CHODL: variants seen among roughly 807,000 people sequenced by gnomAD.
CHODL encodes transmembrane protein MT75.
In CHODL, 29 loss-of-function variants were observed where a neutral mutation model predicts 34.5. That is an observed-to-expected ratio of 0.84 (90% CI 0.63 to 1.15). The LOEUF is 1.15. Among genes scored for constraint, CHODL ranks in the 50% most tolerant of loss-of-function variants. The pLI, the probability that CHODL is intolerant of heterozygous loss-of-function variation, is 0.00. For missense variants in CHODL, 332 were observed against 332.5 expected (o/e 1.00, Z 0.01); for synonymous variants, 125 against 116.1 (o/e 1.08, Z -0.49).
At chr21:18,096,969 G>A (rs1221306048) in intron 2 of CHODL, among the ~76,000 whole-genome samples, 11 of 151,988 alleles carry the variant, frequency 7.2e-5, no homozygotes, top group Non-Finnish European at 4.4e-5. Flanking sequence ...CAGACCTGCC[G>A]ACACTTAGCG....
chr21:18,082,812 T>C (rs2064958404), intron 2 of CHODL, among the ~76,000 whole-genome samples: 1 of 151,988 alleles, frequency 6.6e-6, no homozygotes, highest in Non-Finnish European at 1.5e-5. Flanking sequence ...CCTAACAGTG[T>C]ACAGTCATAT....
chr21:18,093,807 G>A (rs1264953517), intron 2 of CHODL, among the ~76,000 whole-genome samples: 1 of 151,856 alleles, frequency 6.6e-6, no homozygotes, highest in Non-Finnish European at 1.5e-5. Context: ...AAGACAGGAA[G>A]GAAGGAAAGA....
At chr21:18,017,028 A>G (rs948379717) in intron 1 of CHODL, among the ~76,000 whole-genome samples, 2 of 152,228 alleles carry the variant, frequency 1.3e-5, no homozygotes, top group African/African-American at 4.8e-5. Context: ...GGAAGTAACT[A>G]ACTTGCTTTT....
chr21:18,172,699 A>G (rs1403230394), intron 2 of CHODL, among the ~76,000 whole-genome samples: 2 of 152,150 alleles, frequency 1.3e-5, no homozygotes, highest in African/African-American at 2.4e-5. Context: ...GTGGATCTTC[A>G]GAAGTCCTTG....
chr21:18,007,405 A>G (rs908762920), intron 1 of CHODL, among the ~76,000 whole-genome samples: 1 of 152,348 alleles, frequency 6.6e-6, no homozygotes, highest in Middle Eastern at 3.4e-3. Context: ...GAGCAGACAG[A>G]GGAATAAGTA....
intron 2 of CHODL, among the ~76,000 whole-genome samples, chr21:18,197,205 A>C (rs1192583861): frequency 6.6e-6 from 1 of 152,240 alleles, no homozygotes; most frequent in African/African-American, 2.4e-5. Context: ...GTAAATATAA[A>C]TTTAAGTATA....
intron 2 of CHODL, among the ~76,000 whole-genome samples, chr21:18,036,261 T>C (rs2064309447): frequency 6.6e-6 from 1 of 152,038 alleles, no homozygotes; most frequent in Non-Finnish European, 1.5e-5. Context: ...AAACTATTCC[T>C]GGTTATGTGT....
chr21:18,090,229 C>T (rs1366625144), intron 2 of CHODL, among the ~76,000 whole-genome samples: 2 of 152,100 alleles, frequency 1.3e-5, no homozygotes, highest in Non-Finnish European at 2.9e-5. Context: ...AAACCCAAAA[C>T]CAGTAGATAT....
chr21:18,141,864 G>T (rs955046815), intron 2 of CHODL, among the ~76,000 whole-genome samples: 1 of 152,060 alleles, frequency 6.6e-6, no homozygotes, highest in Non-Finnish European at 1.5e-5. Flanking sequence ...CATTGACTCT[G>T]ACTAGGCAAT....
At chr21:18,006,981 C>CT (rs2146407293) in intron 1 of CHODL, among the ~76,000 whole-genome samples, 1 of 152,260 alleles carries the variant, frequency 6.6e-6, no homozygotes, top group Admixed American at 6.5e-5. Flanking sequence ...AAGGACTTTT[C>CT]TTTTTTCTAA....
At chr21:18,098,664 G>C (rs1363286805) in intron 2 of CHODL, among the ~76,000 whole-genome samples, 2 of 152,092 alleles carry the variant, frequency 1.3e-5, no homozygotes, top group African/African-American at 4.8e-5. Flanking sequence ...AAAACAGTTT[G>C]GAGGTCCCTC....
intron 1 of CHODL, among the ~76,000 whole-genome samples, chr21:18,025,773 CTT>C (rs2064168886): frequency 6.6e-6 from 1 of 152,102 alleles, no homozygotes; most frequent in Admixed American, 6.5e-5. Flanking sequence ...GGCTTTAACT[CTT>C]TGACTCGAAT....
intron 2 of CHODL, among the ~76,000 whole-genome samples, chr21:18,168,640 T>C (rs1469953986): frequency 6.6e-6 from 1 of 152,236 alleles, no homozygotes; most frequent in Non-Finnish European, 1.5e-5. Context: ...TATTGTTGAA[T>C]TGTAAGAGTT....
At chr21:18,109,533 G>A (rs2065320964) in intron 2 of CHODL, among the ~76,000 whole-genome samples, 1 of 152,134 alleles carries the variant, frequency 6.6e-6, no homozygotes, top group South Asian at 2.1e-4. Context: ...TTGGCATTAT[G>A]TTTTGGGGGT....
intron 2 of CHODL, among the ~76,000 whole-genome samples, chr21:18,200,911 G>C (rs1447933147): frequency 6.6e-6 from 1 of 152,092 alleles, no homozygotes; most frequent in East Asian, 1.9e-4. Flanking sequence ...AAGGATTGCT[G>C]GGAGTCACCA....
At chr21:18,149,607 T>C (rs1431974144) in intron 2 of CHODL, among the ~76,000 whole-genome samples, 1 of 152,218 alleles carries the variant, frequency 6.6e-6, no homozygotes, top group African/African-American at 2.4e-5. Context: ...CAAACTTCTA[T>C]ATGTCAAGCT....
At chr21:18,057,757 T>G (rs532386497) in intron 2 of CHODL, among the ~76,000 whole-genome samples, 14 of 152,192 alleles carry the variant, frequency 9.2e-5, no homozygotes, top group African/African-American at 3.4e-4. Flanking sequence ...CAGGCAAACT[T>G]CTTCTTTTCC....
At chr21:17,980,010 A>T (rs1186441929) in intron 1 of CHODL, among the ~76,000 whole-genome samples, 1 of 151,916 alleles carries the variant, frequency 6.6e-6, no homozygotes, top group East Asian at 1.9e-4. Context: ...AAAAATGTTG[A>T]CATAAATTAA....
intron 5 of CHODL, among the ~76,000 whole-genome samples, chr21:18,263,246 T>C (rs1342702079): frequency 6.6e-6 from 1 of 152,186 alleles, no homozygotes; most frequent in Non-Finnish European, 1.5e-5. Flanking sequence ...TTTTTGTTTA[T>C]GAAGTATAAG....
Sources: gnomAD v4.1 joint callset for allele counts (sites outside exome capture counted in the v4.1 genomes callset) on GRCh38, gnomAD v4.1.1 for gene constraint, MANE v1.5 for transcripts, NCBI Gene and HGNC (gene_info 2026-07-23, HGNC 2026-07-21) for gene names.